Variants in SMOC2 observed in about 807,000 individuals in gnomAD.
SMOC2 encodes SPARC-related modular calcium-binding protein 2.
In SMOC2, 39 loss-of-function variants were observed where a neutral mutation model predicts 61.4. That is an observed-to-expected ratio of 0.64 (90% CI 0.49 to 0.83). The LOEUF is 0.83. Ranked by LOEUF, SMOC2 falls within the 40% of genes least tolerant of loss-of-function variation. The pLI is 0.00. For missense variants in SMOC2, 556 were observed against 592.9 expected (o/e 0.94, Z 0.65); for synonymous variants, 247 against 239.9 (o/e 1.03, Z -0.27).
intron 9 of SMOC2, among the ~76,000 whole-genome samples, chr6:168,630,318 G>T (rs1023346880): frequency 1.1e-4 from 17 of 152,158 alleles, no homozygotes; most frequent in Non-Finnish European, 1.3e-4. Flanking sequence ...ATGGACATTT[G>T]TTAGTTCCCC....
intron 9 of SMOC2, among the ~76,000 whole-genome samples, chr6:168,635,191 T>G (rs994477542): frequency 1.3e-5 from 2 of 152,214 alleles, no homozygotes; most frequent in Non-Finnish European, 2.9e-5. Context: ...TTTATTACAC[T>G]CTAACTGTGG....
chr6:168,537,774 T>C (rs567497742), intron 4 of SMOC2, among the ~76,000 whole-genome samples: 1 of 151,888 alleles, frequency 6.6e-6, no homozygotes, highest in South Asian at 2.1e-4. Flanking sequence ...TGCAGAGGAG[T>C]CTCAGGTGGC....
intron 7 of SMOC2, among the ~76,000 whole-genome samples, chr6:168,573,430 G>A (rs1449951268): frequency 6.6e-6 from 1 of 152,084 alleles, no homozygotes; most frequent in African/African-American, 2.4e-5. Flanking sequence ...CGCATCTCCG[G>A]GTGCTGGGAC....
chr6:168,544,569 A>G lies in SMOC2; in HGVS notation c.511+897A>G, dbSNP rs1398656638. 1.3e-5 allele frequency among the ~76,000 whole-genome samples: 2 copies of G among 152,182 alleles called. No homozygotes were observed. The highest frequency in any genetic ancestry group is 1.9e-4 in the East Asian group (1 of 5,192). On this transcript the variant is annotated intron_variant, in intron 5 of 12. Coordinates refer to ENST00000356284, the MANE Select transcript of SMOC2 (RefSeq NM_001166412.2). The surrounding 1 kb of genome is among the most constrained non-coding windows in gnomAD (Gnocchi z 4.1). Reference sequence around the variant, plus strand: ...ATGCCTGTAATCCCAGGTAGTCAGGAGGTTGAGGCAGGAGAATTGCTTGAG... The same window carrying G: ...ATGCCTGTAATCCCAGGTAGTCAGGGGGTTGAGGCAGGAGAATTGCTTGAG...
intron 1 of SMOC2, among the ~76,000 whole-genome samples, chr6:168,446,057 AT>A (rs1246670890): frequency 6.6e-6 from 1 of 152,240 alleles, no homozygotes; most frequent in African/African-American, 2.4e-5. Flanking sequence ...ACATTTATAT[AT>A]TTTTGAATTA....
intron 2 of SMOC2, among the ~76,000 whole-genome samples, chr6:168,518,944 T>A (rs1278338018): frequency 1.3e-5 from 2 of 149,244 alleles, no homozygotes; most frequent in African/African-American, 5.0e-5. Flanking sequence ...TATGCTTGCA[T>A]GTGTGTTAGT....
intron 1 of SMOC2, among the ~76,000 whole-genome samples, chr6:168,456,824 G>A (rs1243239049): frequency 2.6e-5 from 4 of 152,204 alleles, no homozygotes; most frequent in Non-Finnish European, 1.5e-5. Context: ...ATGTCACTGT[G>A]AGGGCAGGAA....
In SMOC2 at chr6:168,598,870, C is replaced by A; in HGVS notation, c.690C>A (p.Pro230=). 1 of 1,613,852 alleles carries A rather than the reference C, an allele frequency of 6.2e-7. No individual in the cohort carries two copies. The highest frequency in any genetic ancestry group is 1.7e-5 in the Admixed American group (1 of 59,992). ...CTGCCCTGGAGGAAGCCAAGCAGCC[C>A]AAGAACGACAATGTGGTGATCCCTG... is the stretch of plus-strand genomic sequence containing the variant. The part of the protein sequence containing the change: ...HQSALEEAKQ[P]KNDNVVIPEC... Residue 230 remains proline, a synonymous_variant, in exon 8 of 13, where the codon CCC becomes CCA. Transcript: ENST00000356284.
intron 9 of SMOC2, among the ~76,000 whole-genome samples, chr6:168,609,199 A>C (rs1785789896): frequency 6.6e-6 from 1 of 152,206 alleles, no homozygotes; most frequent in African/African-American, 2.4e-5. Flanking sequence ...GACACACAGC[A>C]CAGTTATTCT....
intron 9 of SMOC2, among the ~76,000 whole-genome samples, chr6:168,627,760 T>C (rs1029618569): frequency 6.6e-6 from 1 of 152,176 alleles, no homozygotes; most frequent in Non-Finnish European, 1.5e-5. Context: ...AGGGGTGGAC[T>C]GTACTGCACA....
intron 9 of SMOC2, among the ~76,000 whole-genome samples, chr6:168,608,811 T>C (rs6914111): frequency 0.19 from 28,766 of 152,216 alleles, 2,841 homozygotes; most frequent in South Asian, 0.28. Flanking sequence ...GCTTCAAAGC[T>C]ACTTGCCATT....
intron 4 of SMOC2, among the ~76,000 whole-genome samples, chr6:168,538,064 C>T (rs1445471705): frequency 6.8e-6 from 1 of 147,750 alleles, no homozygotes; most frequent in Admixed American, 6.7e-5. Flanking sequence ...AGTGAGGTGA[C>T]TGACCCCTGC....
intron 2 of SMOC2, among the ~76,000 whole-genome samples, chr6:168,514,040 G>T (rs938119364): frequency 1.3e-5 from 2 of 152,206 alleles, no homozygotes; most frequent in Non-Finnish European, 2.9e-5. Context: ...GGGTGCACAG[G>T]GGGCCCTCAT....
intron 7 of SMOC2, among the ~76,000 whole-genome samples, chr6:168,568,663 C>T (rs912754489): frequency 2.6e-5 from 4 of 152,124 alleles, no homozygotes; most frequent in African/African-American, 9.7e-5. Context: ...CCTGAAAACC[C>T]TCTGAGCTCC....
chr6:168,502,766 ATTTAAT>A (rs1419516121), intron 1 of SMOC2, among the ~76,000 whole-genome samples: 4 of 92,306 alleles, frequency 4.3e-5, no homozygotes, highest in Non-Finnish European at 8.9e-5. Context: ...ATTTAATTTA[ATTTAAT>A]TTATGTTATT....
chr6:168,643,481 T>A lies in SMOC2; in HGVS notation c.908-7200T>A, dbSNP rs557463069. Among the ~76,000 whole-genome samples the A allele has an allele frequency of 5.9e-5, 9 of 152,230 alleles. No individual in the cohort carries two copies. The South Asian group carries it at 8.3e-4, about 14-fold the overall frequency. On this transcript the variant is annotated intron_variant, in intron 9 of 12. Transcript: ENST00000356284. Reference sequence around the variant, plus strand: ...TGGGACGCAGGGTCTTCGTGGGCCTTCCCTGTGCCCCCAGCACTCTCCTCC... The same window carrying A: ...TGGGACGCAGGGTCTTCGTGGGCCTACCCTGTGCCCCCAGCACTCTCCTCC...
chr6:168,540,139 A>G (rs77323071), intron 4 of SMOC2, among the ~76,000 whole-genome samples: 2,500 of 152,336 alleles, frequency 0.016, 77 homozygotes, highest in African/African-American at 0.057. Flanking sequence ...AAATTGGACT[A>G]AAGTGTGTAG....
At chr6:168,660,543 C>T (rs1562411672) in intron 11 of SMOC2, among the ~76,000 whole-genome samples, 5 of 152,226 alleles carry the variant, frequency 3.3e-5, no homozygotes, top group South Asian at 2.1e-4. Context: ...TACAGAATCG[C>T]GATGGCTTAG....
At chr6:168,591,781 A>C (rs896199873) in intron 7 of SMOC2, among the ~76,000 whole-genome samples, 1 of 151,924 alleles carries the variant, frequency 6.6e-6, no homozygotes, top group Admixed American at 6.6e-5. Flanking sequence ...CTCAAAATTT[A>C]TTATATGAGA....
Sources: allele counts gnomAD v4.1 joint callset (sites outside exome capture counted in the v4.1 genomes callset), GRCh38; gene constraint gnomAD v4.1.1; non-coding constraint Gnocchi (gnomAD v3.1); transcripts MANE v1.5; gene names NCBI Gene and HGNC (gene_info 2026-07-23, HGNC 2026-07-21).